TRPM3: variants seen among roughly 807,000 people sequenced by gnomAD.
The protein encoded by TRPM3 is long transient receptor potential channel 3.
TRPM3 carries 77 observed loss-of-function variants against 181.2 expected under a neutral mutation model. The observed-to-expected ratio is 0.42, with a 90% CI of 0.35 to 0.51. The LOEUF is 0.51. Among genes scored for constraint, TRPM3 ranks in the 20% least tolerant of loss-of-function variants. The pLI is 0.01. For synonymous variants in TRPM3, 745 were observed against 796.4 expected, an observed-to-expected ratio of 0.94 and a Z score of 1.09; for missense variants, 1,759 against 2,196.7, an observed-to-expected ratio of 0.80 and a Z score of 3.98.
intron 1 of TRPM3, among the ~76,000 whole-genome samples, chr9:71,179,359 C>T (rs2077272148): frequency 6.6e-6 from 1 of 152,122 alleles, no homozygotes. Context: ...AGTCAACAAG[C>T]AGTCATCCAC....
At chr9:71,064,422 G>GTT (rs34258713) in intron 1 of TRPM3, among the ~76,000 whole-genome samples, 20 of 143,020 alleles carry the variant, frequency 1.4e-4, no homozygotes, top group South Asian at 2.2e-4. Flanking sequence ...TATCACCATG[G>GTT]TTTTTTTTTT....
At chr9:70,615,880 A>G (rs1169741977) in intron 18 of TRPM3, 28 bp downstream of exon 18, 1 of 1,569,808 alleles carries the variant, frequency 6.4e-7, no homozygotes, top group Non-Finnish European at 8.6e-7. Context: ...TTCTGCCCAT[A>G]GAGAATAACT....
At chr9:71,115,222 TC>T (rs1292754300) in intron 1 of TRPM3, among the ~76,000 whole-genome samples, 5 of 138,670 alleles carry the variant, frequency 3.6e-5, no homozygotes, top group African/African-American at 1.2e-4. Flanking sequence ...GCAGCTTTTT[TC>T]AACGTGGGGT....
At chr9:70,772,341 A>G (rs2080467467) in intron 7 of TRPM3, among the ~76,000 whole-genome samples, 2 of 149,368 alleles carry the variant, frequency 1.3e-5, no homozygotes, top group African/African-American at 4.9e-5. Context: ...TTTTTGAAGC[A>G]GGACCTTGCT....
chr9:70,674,724 A>AT (rs67630432), intron 9 of TRPM3, among the ~76,000 whole-genome samples: 4,895 of 97,846 alleles, frequency 0.05, 439 homozygotes, highest in African/African-American at 0.16. Context: ...TATTCAGGCT[A>AT]TTTTTTTTTT....
At chr9:70,823,052 C>G (rs774243282) in intron 6 of TRPM3, among the ~76,000 whole-genome samples, 6 of 152,168 alleles carry the variant, frequency 3.9e-5, no homozygotes, top group Non-Finnish European at 8.8e-5. Flanking sequence ...CTCTTCAGCT[C>G]TGCACTGCTG....
chr9:71,187,034 G>A (rs995681755), intron 1 of TRPM3, among the ~76,000 whole-genome samples: 2 of 152,082 alleles, frequency 1.3e-5, no homozygotes, highest in Non-Finnish European at 2.9e-5. Context: ...TAAATCTTTT[G>A]AAAATAAGTC....
chr9:70,649,329 C>T (rs2059318665), intron 9 of TRPM3, among the ~76,000 whole-genome samples: 1 of 151,960 alleles, frequency 6.6e-6, no homozygotes, highest in Non-Finnish European at 1.5e-5. Flanking sequence ...GCTGGGATTA[C>T]AGGTGTTTGC....
intron 1 of TRPM3, among the ~76,000 whole-genome samples, chr9:71,245,451 A>T (rs1421047805): frequency 1.3e-5 from 2 of 151,774 alleles, no homozygotes; most frequent in African/African-American, 4.8e-5. Context: ...TTCAAAAAAA[A>T]AAAAAAAATA....
chr9:70,899,911 G>T (rs1362631978), intron 1 of TRPM3, among the ~76,000 whole-genome samples: 18 of 152,098 alleles, frequency 1.2e-4, no homozygotes, highest in Non-Finnish European at 2.9e-5. Flanking sequence ...TGATGAGACT[G>T]GTCTTAATAA....
intron 2 of TRPM3, among the ~76,000 whole-genome samples, chr9:70,863,816 G>A (rs559183919): frequency 9.2e-5 from 14 of 152,010 alleles, no homozygotes; most frequent in Non-Finnish European, 1.9e-4. Context: ...ATGAAATATT[G>A]TAGTTTTGAA....
intron 1 of TRPM3, among the ~76,000 whole-genome samples, chr9:70,892,318 T>TA (rs1323563079): frequency 6.6e-6 from 1 of 151,812 alleles, no homozygotes; most frequent in African/African-American, 2.4e-5. Flanking sequence ...AGTCTGAACA[T>TA]AAAAAAAGGC....
At chr9:70,627,325 T>G (rs1458938705) in intron 12 of TRPM3, among the ~76,000 whole-genome samples, 1 of 137,508 alleles carries the variant, frequency 7.3e-6, no homozygotes, top group Non-Finnish European at 1.5e-5. Flanking sequence ...CAGGCTGGAG[T>G]GCAATGGCGT....
At chr9:70,861,614 T>C (rs2095522165) in intron 3 of TRPM3, among the ~76,000 whole-genome samples, 1 of 152,178 alleles carries the variant, frequency 6.6e-6, no homozygotes, top group African/African-American at 2.4e-5. Context: ...GAATCTACAT[T>C]GTATGTGGGT....
intron 1 of TRPM3, among the ~76,000 whole-genome samples, chr9:70,909,545 T>C (rs1301168722): frequency 3.3e-5 from 5 of 151,324 alleles, no homozygotes; most frequent in Non-Finnish European, 5.9e-5. Flanking sequence ...CATTGGAAGG[T>C]TGGGCTGTCC....
chr9:71,231,790 T>C (rs1365436982), intron 1 of TRPM3, among the ~76,000 whole-genome samples: 1 of 152,094 alleles, frequency 6.6e-6, no homozygotes, highest in East Asian at 1.9e-4. Context: ...GTGGGGAGGA[T>C]GGTAAGCGGG....
chr9:71,232,895 A>G (rs2131916294), intron 1 of TRPM3, among the ~76,000 whole-genome samples: 1 of 152,188 alleles, frequency 6.6e-6, no homozygotes, highest in South Asian at 2.1e-4. Flanking sequence ...CACTGGTGCT[A>G]TACTGAGCTA....
chr9:70,835,675 TCTCA>T (rs1006342385), intron 5 of TRPM3, among the ~76,000 whole-genome samples: 3 of 152,174 alleles, frequency 2.0e-5, no homozygotes, highest in Non-Finnish European at 4.4e-5. Context: ...ATCCTCTGTG[TCTCA>T]CTGTCTCCAT....
In TRPM3 at chr9:71,011,788, T is replaced by G. The variant is rs558725080; in HGVS notation, c.177+109390A>C. 3.9e-4 allele frequency among the ~76,000 whole-genome samples: 53 copies of G among 137,568 alleles called. 1 individual carries two copies. Among genetic ancestry groups the G allele is most frequent in the South Asian group, 3.8e-3 (16 of 4,162 alleles). The allele number at this position is 137,568 out of a possible 152,430, so 90.2% of individuals were successfully genotyped here. On this transcript the variant is annotated intron_variant, in intron 1 of 25. Transcript: ENST00000677713. Reference sequence around the variant, plus strand: ...ATCCATGGTTTTTTTTTTTGTTTTTTTGTTTTTTTTCAGACAGTATCTTGT... The same window carrying G: ...ATCCATGGTTTTTTTTTTTGTTTTTGTGTTTTTTTTCAGACAGTATCTTGT...
Sources: gnomAD v4.1 joint callset for allele counts (sites outside exome capture counted in the v4.1 genomes callset) on GRCh38, gnomAD v4.1.1 for gene constraint, MANE v1.5 for transcripts, NCBI Gene and HGNC (gene_info 2026-07-23, HGNC 2026-07-21) for gene names.